Variants in MANEA observed in about 807,000 individuals in gnomAD.
MANEA encodes the protein glycoprotein endo-alpha-1,2-mannosidase.
In MANEA, 25 loss-of-function variants were observed where a neutral mutation model predicts 36.8. That is an observed-to-expected ratio of 0.68 (90% CI 0.50 to 0.95). The LOEUF (loss-of-function observed/expected upper bound fraction) is 0.95. Ranked by LOEUF, MANEA falls within the 40% of genes least tolerant of loss-of-function variation. The pLI is 0.00. For missense variants in MANEA, 565 were observed against 558.8 expected, an observed-to-expected ratio of 1.01 and a Z score of -0.11; for synonymous variants, 198 against 188.5, an observed-to-expected ratio of 1.05 and a Z score of -0.41.
intron 2 of MANEA, chr6:95,587,479 T>C (rs1283624143): frequency 6.3e-6 from 1 of 158,158 alleles, no homozygotes; most frequent in African/African-American, 2.4e-5. Flanking sequence ...ATCTGATTTC[T>C]ATCACTGGAG....
intron 1 of MANEA, among the ~76,000 whole-genome samples, chr6:95,579,287 C>T (rs771845382): frequency 2.0e-5 from 3 of 152,134 alleles, no homozygotes; most frequent in African/African-American, 7.2e-5. Flanking sequence ...GCAGGAGAAT[C>T]GCTTGAACCC....
At chr6:95,603,540 A>G (rs1483969867) in intron 3 of MANEA, among the ~76,000 whole-genome samples, 1 of 151,774 alleles carries the variant, frequency 6.6e-6, no homozygotes, top group African/African-American at 2.4e-5. Flanking sequence ...AAAGTAGAAA[A>G]TTATATTTTT....
At chr6:95,595,798 A>C (rs1769470823) in intron 2 of MANEA, among the ~76,000 whole-genome samples, 1 of 152,154 alleles carries the variant, frequency 6.6e-6, no homozygotes, top group South Asian at 2.1e-4. Context: ...ATAATTTATC[A>C]GTTCAAAAAT....
At chr6:95,598,179 T>C (rs1385898255) in intron 3 of MANEA, among the ~76,000 whole-genome samples, 3 of 152,220 alleles carry the variant, frequency 2.0e-5, no homozygotes, top group African/African-American at 4.8e-5. Context: ...GAATAGTTGA[T>C]TTTTATGATA....
chr6:95,587,005 A>ATATATATATATG, intron 2 of MANEA, 22 bp downstream of exon 2: 2 of 1,336,968 alleles, frequency 1.5e-6, no homozygotes, highest in Non-Finnish European at 2.1e-6. Context: ...ATATATATAT[A>ATATATATATATG]TGTGTGTTTG....
intron 1 of MANEA, among the ~76,000 whole-genome samples, chr6:95,580,060 A>G (rs118059574): frequency 3.9e-5 from 6 of 152,250 alleles, no homozygotes; most frequent in Non-Finnish European, 8.8e-5. Flanking sequence ...CTCAAGGGTC[A>G]TTGTGGTTTT....
At chr6:95,592,150 T>G (rs1769396624) in intron 2 of MANEA, among the ~76,000 whole-genome samples, 1 of 152,244 alleles carries the variant, frequency 6.6e-6, no homozygotes, top group Non-Finnish European at 1.5e-5. Flanking sequence ...ATAAGGTAAT[T>G]TCTTTTGACT....
chr6:95,582,191 T>A (rs1024161186), intron 1 of MANEA, among the ~76,000 whole-genome samples: 6 of 141,064 alleles, frequency 4.3e-5, no homozygotes, highest in Admixed American at 7.1e-5. Flanking sequence ...TTTTTTTTTT[T>A]TTTTTTTTTT....
Position 95,586,903 on chromosome 6 carries a change from A to T in MANEA, c.464A>T (p.Tyr155Phe). 6.2e-7 allele frequency: 1 copy of T among 1,613,676 alleles called. No homozygotes were observed. Among genetic ancestry groups the T allele is most frequent in the South Asian group, 1.1e-5 (1 of 91,074 alleles). ...NPPDDIGSSF[Y>F]PELGSYSSRD... ...CCAGATGACATTGGCTCCAGCTTTT[A>T]TCCTGAATTGGGAAGTTACAGTTCT... Residue 155 changes from tyrosine to phenylalanine, a missense_variant, in exon 2 of 5, where the codon TAT becomes TTT. Physicochemically the swap from Tyr to Phe is conservative, Grantham distance 22. Transcript: ENST00000358812.
intron 2 of MANEA, among the ~76,000 whole-genome samples, chr6:95,593,040 A>T (rs1769412713): frequency 6.6e-6 from 1 of 152,212 alleles, no homozygotes; most frequent in Non-Finnish European, 1.5e-5. Flanking sequence ...TATTTCAAGA[A>T]TGGACTTCAA....
chr6:95,578,928 A>G (rs1769126748), intron 1 of MANEA, among the ~76,000 whole-genome samples: 2 of 152,204 alleles, frequency 1.3e-5, no homozygotes, highest in Admixed American at 6.5e-5. Context: ...GCAGAATAGC[A>G]TGGACAAGAA....
intron 2 of MANEA, among the ~76,000 whole-genome samples, chr6:95,593,807 G>A (rs1769433113): frequency 6.6e-6 from 1 of 152,066 alleles, no homozygotes; most frequent in Non-Finnish European, 1.5e-5. Context: ...CAGCACTTTG[G>A]GAGGCCGAGG....
rs1769490715 is a variant in MANEA, at chr6:95,596,764, C to G, written c.572C>G (p.Pro191Arg). The stretch of plus-strand genomic sequence containing the variant: ...GTACTAGCCCTCTCTTGGTACCCAC[C>G]TGATGTAAATGATGAAAATGGAGAA... The part of the protein sequence containing the change: ...IGVLALSWYP[P>R]DVNDENGEPT... The change falls in exon 3 of 5, where the codon CCT becomes CGT. Residue 191 changes from proline (P) to arginine (R), a missense_variant. Transcript: ENST00000358812. 20 of 1,605,870 alleles carry G rather than the reference C, an allele frequency of 1.2e-5. No individual in the cohort carries two copies. The highest frequency in any genetic ancestry group is 1.7e-5 in the Admixed American group (1 of 59,968).
intron 2 of MANEA, among the ~76,000 whole-genome samples, chr6:95,589,188 C>G (rs1352885022): frequency 2.6e-5 from 4 of 151,950 alleles, no homozygotes; most frequent in Non-Finnish European, 5.9e-5. Flanking sequence ...TGTTACCAGG[C>G]AGAAAATAAT....
chr6:95,578,880 A>G (rs758829750), intron 1 of MANEA, among the ~76,000 whole-genome samples: 16 of 152,210 alleles, frequency 1.1e-4, no homozygotes, highest in Admixed American at 5.9e-4. Flanking sequence ...TAACTGGTGT[A>G]TCCTCTAAAT....
chr6:95,592,479 A>G (rs1425706811), intron 2 of MANEA, among the ~76,000 whole-genome samples: 2 of 151,946 alleles, frequency 1.3e-5, no homozygotes, highest in Non-Finnish European at 2.9e-5. Flanking sequence ...ACCTTGTAAA[A>G]TTTTGTTAAA....
chr6:95,582,752 AT>A (rs1257905134), intron 1 of MANEA, among the ~76,000 whole-genome samples: 1 of 152,170 alleles, frequency 6.6e-6, no homozygotes, highest in Non-Finnish European at 1.5e-5. Flanking sequence ...ACCCTTACTT[AT>A]TATACGTTGC....
chr6:95,594,000 T>G (rs1341170593), intron 2 of MANEA, among the ~76,000 whole-genome samples: 28 of 151,848 alleles, frequency 1.8e-4, no homozygotes. Context: ...AGGCGGAGGT[T>G]GCAGTGAGCT....
chr6:95,607,992 A>G lies in MANEA; in HGVS notation c.*1587A>G, dbSNP rs576517674. 3 of 152,006 alleles carry G rather than the reference A, an allele frequency of 2.0e-5. No homozygotes were observed. Among genetic ancestry groups the G allele is most frequent in the South Asian group, 4.1e-4 (2 of 4,830 alleles). The allele number at this position is 152,006 out of a possible 1,614,324, so 9.4% of individuals were successfully genotyped here. ...ACAAATTATGTTATTGAAAAGCATT[A>G]TTAATGTTTAATTTATTTAAAATTT... is the stretch of plus-strand genomic sequence containing the variant. On this transcript the variant is annotated 3_prime_UTR_variant, in exon 5 of 5. Transcript: ENST00000358812.
Sources: allele counts gnomAD v4.1 joint callset (sites outside exome capture counted in the v4.1 genomes callset), GRCh38; gene constraint gnomAD v4.1.1; transcripts MANE v1.5; gene names NCBI Gene and HGNC (gene_info 2026-07-23, HGNC 2026-07-21).